ZNF804A: variants seen among roughly 807,000 people sequenced by gnomAD.
The protein encoded by ZNF804A is zinc finger protein 804A.
ZNF804A carries 2 observed loss-of-function variants against 16.5 expected under a neutral mutation model. The ratio of observed to expected loss-of-function variants is 0.12; its 90% CI spans 0.05 to 0.38. The LOEUF is 0.38. ZNF804A is among the 10% of genes least tolerant of loss of function. The probability of loss-of-function intolerance (pLI) is 0.99; values close to 1 mark genes in which losing one functional copy is unlikely to be tolerated. For synonymous variants in ZNF804A, 534 were observed against 489.6 expected (o/e 1.09, Z -1.20); for missense variants, 1,473 against 1,390.7 (o/e 1.06, Z -0.94).
At chr2:184,731,952 A>G (rs564262892) in intron 1 of ZNF804A, among the ~76,000 whole-genome samples, 1 of 152,282 alleles carries the variant, frequency 6.6e-6, no homozygotes, top group African/African-American at 2.4e-5. Context: ...TTTTGATAAC[A>G]GGCCATTATC....
chr2:184,610,815 G>A (rs1691224590), intron 1 of ZNF804A, among the ~76,000 whole-genome samples: 2 of 152,282 alleles, frequency 1.3e-5, no homozygotes, highest in East Asian at 3.9e-4. Context: ...CCAGTCACTT[G>A]TGTTATGACC....
Position 184,936,831 on chromosome 2 carries a change from G to A in ZNF804A, c.1435G>A (p.Asp479Asn), listed in dbSNP as rs781457503. 1.9e-6 allele frequency: 3 copies of A among 1,612,406 alleles called. No homozygotes were observed. In the Admixed American group the frequency reaches 5.0e-5, roughly 27 times the overall value. The change falls in exon 4 of 4, where the codon GAC becomes AAC. Residue 479 changes from aspartate to asparagine, a missense_variant. Coordinates refer to ENST00000302277, the MANE Select transcript of ZNF804A (RefSeq NM_194250.2). Reference sequence around the variant, plus strand: ...TAATAATCTAGATAAAAATAAGCCAGACTTAAAAGATCTTTGTTCTCAGCA... The same window carrying A: ...TAATAATCTAGATAAAAATAAGCCAAACTTAAAAGATCTTTGTTCTCAGCA... ...VNNNLDKNKP[D>N]LKDLCSQQKQ... is the part of the protein sequence containing the mutation.
chr2:184,724,580 C>T (rs1023966693), intron 1 of ZNF804A, among the ~76,000 whole-genome samples: 1 of 151,478 alleles, frequency 6.6e-6, no homozygotes, highest in East Asian at 1.9e-4. Flanking sequence ...ATTATTAGAT[C>T]GAGGGAATAT....
intron 1 of ZNF804A, among the ~76,000 whole-genome samples, chr2:184,744,219 A>G (rs1693752510): frequency 6.6e-6 from 1 of 151,772 alleles, no homozygotes; most frequent in Admixed American, 6.6e-5. Context: ...ATACATAACT[A>G]CCCTTTATAA....
At chr2:184,655,348 A>C (rs894619548) in intron 1 of ZNF804A, among the ~76,000 whole-genome samples, 4 of 152,140 alleles carry the variant, frequency 2.6e-5, no homozygotes, top group African/African-American at 9.7e-5. Context: ...CAAGTTGCAA[A>C]GGATGGAGGA....
intron 1 of ZNF804A, among the ~76,000 whole-genome samples, chr2:184,701,448 A>G (rs929570390): frequency 1.3e-5 from 2 of 151,964 alleles, no homozygotes; most frequent in Non-Finnish European, 2.9e-5. Flanking sequence ...TCTTCAAAGT[A>G]TGTTTTAGTC....
At chr2:184,796,382 A>C (rs1314132431) in intron 1 of ZNF804A, among the ~76,000 whole-genome samples, 1 of 151,824 alleles carries the variant, frequency 6.6e-6, no homozygotes, top group Non-Finnish European at 1.5e-5. Context: ...GTAATTTTTC[A>C]ATTACCATTT....
chr2:184,675,212 A>G (rs908144955), intron 1 of ZNF804A, among the ~76,000 whole-genome samples: 18 of 151,842 alleles, frequency 1.2e-4, no homozygotes, highest in African/African-American at 2.7e-4. Context: ...ACACACATAT[A>G]TATTAGGAAC....
chr2:184,857,573 G>T (rs764266527), intron 1 of ZNF804A, among the ~76,000 whole-genome samples: 30 of 151,992 alleles, frequency 2.0e-4, no homozygotes, highest in Admixed American at 4.6e-4. Flanking sequence ...TGGAAATGGA[G>T]CAATGAATTT....
intron 1 of ZNF804A, among the ~76,000 whole-genome samples, chr2:184,688,161 T>C (rs1024463618): frequency 6.6e-6 from 1 of 151,956 alleles, no homozygotes; most frequent in African/African-American, 2.4e-5. Context: ...TATAAACATA[T>C]AATAAATAAA....
In ZNF804A at chr2:184,935,857, G is replaced by A. The variant is rs142283828; in HGVS notation, c.461G>A (p.Arg154Gln). The A allele has an allele frequency of 5.9e-5, 96 of 1,613,644 alleles. No individual in the cohort carries two copies. Among genetic ancestry groups the A allele is most frequent in the African/African-American group, 4.5e-4 (34 of 74,968 alleles). The change falls in exon 4 of 4, where the codon CGA becomes CAA. Residue 154 changes from arginine to glutamine, a missense_variant. Transcript: ENST00000302277. ...GAAAACTGTAATGAAATTTCCCAAC[G>A]AGTTGTTGTGGATTCAGTTAATAAC... Reference protein sequence around the residue: ...VRENCNEISQRVVVDSVNNQQ... With the variant: ...VRENCNEISQQVVVDSVNNQQ...
At position 184,772,338 on chromosome 2, in the gene ZNF804A, CCCATCTCTA is replaced by C. The variant is rs1249904559; in HGVS notation, c.112-94030_112-94022del. On this transcript the variant is annotated intron_variant, in intron 1 of 3. Transcript: ENST00000302277. ...GCCTTATGCAACAAATGATCCATTT[CCCATCTCTA>C]TAGGTTGCCTATTCTGAAATTTTCT... Among the ~76,000 whole-genome samples the C allele has an allele frequency of 3.3e-5, 5 of 150,402 alleles. 1 individual carries two copies. In the South Asian group the frequency reaches 1.0e-3, roughly 32 times the overall value.
rs754516369 is a variant in ZNF804A at position 184,938,758 on chromosome 2, C to T, written c.3362C>T (p.Thr1121Ile). Residue 1121 changes from threonine (T) to isoleucine (I), a missense_variant, in exon 4 of 4, where the codon ACC becomes ATC. Transcript: ENST00000302277. ...GCAGCTGCAGCCGCAGCTGCAGGAACCTTTAAAGTGCTTCAGCCACACCAA... is the reference window on the plus strand; with the variant it reads ...GCAGCTGCAGCCGCAGCTGCAGGAATCTTTAAAGTGCTTCAGCCACACCAA... ...AAAAAAAAAG[T>I]FKVLQPHQQF... is the part of the protein sequence containing the mutation. The T allele has an allele frequency of 1.9e-6, 3 of 1,613,522 alleles. No homozygotes were observed. The highest frequency in any genetic ancestry group is 1.3e-5 in the African/African-American group (1 of 74,904).
intron 1 of ZNF804A, among the ~76,000 whole-genome samples, chr2:184,850,639 C>T (rs959869076): frequency 2.6e-5 from 4 of 151,116 alleles, no homozygotes; most frequent in Non-Finnish European, 5.9e-5. Flanking sequence ...ATGAAATTTA[C>T]ACTACATATA....
chr2:184,937,775 AG>A lies in ZNF804A; in HGVS notation c.2380del (p.Glu794AsnfsTer3). 1 of 1,614,056 alleles carries A rather than the reference AG, an allele frequency of 6.2e-7. No homozygotes were observed. Among genetic ancestry groups the A allele is most frequent in the Non-Finnish European group, 8.5e-7 (1 of 1,179,970 alleles). On this transcript the variant is annotated frameshift_variant, in exon 4 of 4. Transcript: ENST00000302277. LOFTEE classifies it low-confidence loss of function (END_TRUNC). ...SLNRQNHLPE[E>X]FLRPPSTSVA... is the part of the protein sequence containing the mutation. ...TAAATCGACAGAATCATTTACCAGA[AG>A]AATTTTTGAGGCCACCAAGTACTTC...
intron 1 of ZNF804A, among the ~76,000 whole-genome samples, chr2:184,811,438 T>C (rs1203069610): frequency 3.1e-5 from 2 of 64,998 alleles, no homozygotes. Flanking sequence ...TTACTAAGAT[T>C]ATTAGTATCA....
intron 1 of ZNF804A, among the ~76,000 whole-genome samples, chr2:184,600,673 G>A (rs913122640): frequency 1.3e-5 from 2 of 152,048 alleles, no homozygotes; most frequent in Non-Finnish European, 2.9e-5. Context: ...AATGGTGTAG[G>A]TGATAAAATG....
chr2:184,928,514 G>A (rs1685644174), intron 2 of ZNF804A, among the ~76,000 whole-genome samples: 1 of 152,098 alleles, frequency 6.6e-6, no homozygotes. Context: ...TAGCCAAACT[G>A]TTATTCAGTT....
At chr2:184,920,320 C>T (rs1391180062) in intron 2 of ZNF804A, among the ~76,000 whole-genome samples, 1 of 152,160 alleles carries the variant, frequency 6.6e-6, no homozygotes, top group Non-Finnish European at 1.5e-5. Flanking sequence ...TCTGTGCTAC[C>T]ATGCGACTAT....
Sources: allele counts gnomAD v4.1 joint callset (sites outside exome capture counted in the v4.1 genomes callset), GRCh38; gene constraint gnomAD v4.1.1; transcripts MANE v1.5; gene names NCBI Gene and HGNC (gene_info 2026-07-23, HGNC 2026-07-21).